ATG4A: variants seen among roughly 807,000 people sequenced by gnomAD.
ATG4A encodes the protein autophagy related 4A cysteine peptidase, also known as cysteine protease ATG4A.
In ATG4A, 22 loss-of-function variants were observed where a neutral mutation model predicts 38.4. The ratio of observed to expected loss-of-function variants is 0.57; its 90% CI spans 0.41 to 0.82. The LOEUF (loss-of-function observed/expected upper bound fraction) is 0.82, where lower values mean the gene tolerates loss of function less well. ATG4A is among the 40% of genes least tolerant of loss of function. The probability of loss-of-function intolerance (pLI) is 0.00; values close to 1 mark genes in which losing one functional copy is unlikely to be tolerated. For missense variants in ATG4A, 220 were observed against 290.0 expected (o/e 0.76, Z 1.75); for synonymous variants, 86 against 100.7 (o/e 0.85, Z 0.88).
At chrX:108,096,968 G>A (rs1228267428) in intron 1 of ATG4A, among the ~76,000 whole-genome samples, 1 of 110,827 alleles carries the variant, frequency 9.0e-6, no homozygotes, top group African/African-American at 3.3e-5. Flanking sequence ...CTTTTCCACT[G>A]ATCACCTGGA....
In ATG4A at chrX:108,137,105, T is replaced by C; in HGVS notation, c.482T>C (p.Phe161Ser). Residue 161 changes from phenylalanine to serine, a missense_variant, in exon 7 of 13, where the codon TTT (phenylalanine) becomes TCT (serine). Transcript: ENST00000372232. ...TTGCTTTGCAGAAAACTTGCTTTAT[T>C]TGACGAATGGAATTCCTTGGCTGTT... ...VAQVLKKLAL[F>S]DEWNSLAVYV... 2.5e-6 allele frequency: 3 copies of C among 1,207,286 alleles called. No individual in the cohort carries two copies. Among genetic ancestry groups the C allele is most frequent in the Non-Finnish European group, 3.4e-6 (3 of 892,491 alleles).
rs1374026304 is a variant in ATG4A, at chrX:108,152,115, T to A, written c.1017+257T>A. 4 of 281,212 alleles carry A rather than the reference T, an allele frequency of 1.4e-5. No individual in the cohort carries two copies. In the East Asian group the frequency reaches 2.0e-4, roughly 14 times the overall value. 23.2% of individuals were successfully genotyped at this position (281,212 alleles called of 1,213,427 possible). A position where few individuals can be genotyped will look rare whatever the true frequency, so the allele number is the denominator to read the frequency against. ...TTTAGTGATGAAACCTAATGTTTTA[T>A]CTCATTAATAGACAATTATTTTCTA... On this transcript the variant is annotated intron_variant, in intron 11 of 12. Coordinates refer to ENST00000372232, the MANE Select transcript of ATG4A (RefSeq NM_052936.5).
intron 9 of ATG4A, among the ~76,000 whole-genome samples, chrX:108,141,000 A>G (rs960050247): frequency 3.7e-5 from 3 of 81,666 alleles, no homozygotes; most frequent in African/African-American, 1.1e-4. Flanking sequence ...ATATATATAC[A>G]TATATATACG....
chrX:108,135,374 TG>T (rs932000427), intron 6 of ATG4A, among the ~76,000 whole-genome samples: 6 of 112,307 alleles, frequency 5.3e-5, no homozygotes, highest in Non-Finnish European at 9.4e-5. Context: ...CTGGGCATTA[TG>T]GGGGAACCTG....
At chrX:108,137,746 A>G in intron 7 of ATG4A, 58 bp from the exon 8 acceptor site, 1 of 1,060,358 alleles carries the variant, frequency 9.4e-7, no homozygotes, top group Middle Eastern at 2.8e-4. Flanking sequence ...TGATATTGGA[A>G]TATCTTCTAG....
At chrX:108,110,874 T>A (rs781750240) in intron 1 of ATG4A, among the ~76,000 whole-genome samples, 1 of 111,944 alleles carries the variant, frequency 8.9e-6, no homozygotes, top group Non-Finnish European at 1.9e-5. Context: ...TTCTTTAATT[T>A]CTTTCAGGAA....
chrX:108,125,757 G>A (rs1458507607), intron 1 of ATG4A, among the ~76,000 whole-genome samples: 1 of 111,827 alleles, frequency 8.9e-6, no homozygotes, highest in Non-Finnish European at 1.9e-5. Context: ...TCAGAGTAGG[G>A]GAAGCTCGAT....
intron 9 of ATG4A, among the ~76,000 whole-genome samples, chrX:108,140,901 G>A (rs2033229145): frequency 3.4e-5 from 3 of 88,706 alleles, no homozygotes; most frequent in African/African-American, 8.5e-5. Context: ...CATACACAAA[G>A]TATTACATGT....
chrX:108,134,191 G>C, intron 5 of ATG4A, 33 bp downstream of exon 5: 10 of 1,155,009 alleles, frequency 8.7e-6, no homozygotes, highest in Non-Finnish European at 1.2e-5. Flanking sequence ...TAAAGGCAGT[G>C]CCTATTCCTG....
chrX:108,100,605 A>G (rs1268746727), intron 1 of ATG4A, among the ~76,000 whole-genome samples: 1 of 111,039 alleles, frequency 9.0e-6, no homozygotes, highest in African/African-American at 3.3e-5. Flanking sequence ...TAGTTGTCTG[A>G]GTGTTTTTAT....
At chrX:108,124,326 A>G (rs1231762358) in intron 1 of ATG4A, among the ~76,000 whole-genome samples, 1 of 112,920 alleles carries the variant, frequency 8.9e-6, no homozygotes, top group African/African-American at 3.2e-5. Flanking sequence ...CACTGCAGAG[A>G]CTATCATCTT....
intron 1 of ATG4A, among the ~76,000 whole-genome samples, chrX:108,092,802 G>A (rs1429366039): frequency 9.0e-6 from 1 of 111,688 alleles, no homozygotes; most frequent in Non-Finnish European, 1.9e-5. Flanking sequence ...TTGGGGCTCA[G>A]AATTAGTGTT....
At chrX:108,124,070 T>G (rs1167253053) in intron 1 of ATG4A, among the ~76,000 whole-genome samples, 1 of 112,449 alleles carries the variant, frequency 8.9e-6, no homozygotes, top group Non-Finnish European at 1.9e-5. Context: ...TGATTTCTTC[T>G]GCCTGTGAGG....
rs368342460 is a variant in ATG4A at position 108,124,755 on chromosome X, A to AT, written c.11-1312dup. 5.4e-3 allele frequency among the ~76,000 whole-genome samples: 593 copies of AT among 108,916 alleles called. 2 individuals carry two copies. The highest frequency in any genetic ancestry group is 0.014 in the African/African-American group (437 of 30,188). 94.6% of individuals were successfully genotyped at this position (108,916 alleles called of 115,157 possible). ...ATATTTATATGATCAGAACAGACTC[A>AT]TTTTTTTTTTATCAGAACAGACTCA... On this transcript the variant is annotated intron_variant, in intron 1 of 12. Transcript: ENST00000372232.
rs374213151 is a variant in ATG4A, at chrX:108,153,107, C to T, written c.1126+20C>T. On this transcript the variant is annotated intron_variant, in intron 12 of 12. Coordinates refer to ENST00000372232, the MANE Select transcript of ATG4A (RefSeq NM_052936.5). ...GGGCAGGTAAGCTGTTGTTCAATGG[C>T]TCTCAGCTAGCAGACCCACATATAG... The T allele has an allele frequency of 2.7e-6, 3 of 1,100,879 alleles. No homozygotes were observed. The East Asian group carries it at 9.0e-5, about 33-fold the overall frequency. 90.7% of individuals were successfully genotyped at this position (1,100,879 alleles called of 1,213,427 possible). A position where few individuals can be genotyped will look rare whatever the true frequency, so the allele number is the denominator to read the frequency against.
At chrX:108,096,600 T>G (rs1210635627) in intron 1 of ATG4A, among the ~76,000 whole-genome samples, 1 of 112,329 alleles carries the variant, frequency 8.9e-6, no homozygotes, top group Non-Finnish European at 1.9e-5. Flanking sequence ...CAAGTGCCTT[T>G]CCTACTGAGT....
chrX:108,092,596 T>C (rs2031666061), intron 1 of ATG4A, among the ~76,000 whole-genome samples: 1 of 112,702 alleles, frequency 8.9e-6, no homozygotes, highest in African/African-American at 3.2e-5. Context: ...ATAGTAAATA[T>C]TTTAGGCTTT....
chrX:108,138,836 T>G (rs1183396398), intron 9 of ATG4A, among the ~76,000 whole-genome samples: 1 of 111,795 alleles, frequency 8.9e-6, no homozygotes, highest in African/African-American at 3.3e-5. Context: ...CTTGAGAGCC[T>G]ATTGGAGTGC....
At chrX:108,101,121 T>C (rs1458716223) in intron 1 of ATG4A, among the ~76,000 whole-genome samples, 1 of 111,085 alleles carries the variant, frequency 9.0e-6, no homozygotes, top group Non-Finnish European at 1.9e-5. Flanking sequence ...TAATTTCTAT[T>C]GAGTTGTGGT....
Sources: allele counts gnomAD v4.1 joint callset (sites outside exome capture counted in the v4.1 genomes callset), GRCh38; gene constraint gnomAD v4.1.1; transcripts MANE v1.5; gene names NCBI Gene and HGNC (gene_info 2026-07-23, HGNC 2026-07-21).